The following STYX variants were observed in gnomAD, a reference collection of about 807,000 sequenced individuals.
The protein encoded by STYX is serine/threonine/tyrosine-interacting protein.
Under a neutral mutation model 42.7 loss-of-function variants are expected in STYX, and 20 were observed. The ratio of observed to expected loss-of-function variants is 0.47; its 90% CI spans 0.33 to 0.68. The LOEUF is 0.68. STYX is among the 30% of genes least tolerant of loss of function. The pLI, the probability that STYX is intolerant of heterozygous loss-of-function variation, is 0.02. For synonymous variants in STYX, 78 were observed against 81.9 expected, an observed-to-expected ratio of 0.95 and a Z score of 0.26; for missense variants, 226 against 268.5, an observed-to-expected ratio of 0.84 and a Z score of 1.11.
intron 8 of STYX, among the ~76,000 whole-genome samples, chr14:52,759,191 T>G (rs1881995179): frequency 6.6e-6 from 1 of 152,180 alleles, no homozygotes; most frequent in East Asian, 1.9e-4. Context: ...GGCACAATCA[T>G]AGCTCACTGT....
chr14:52,766,843 CTTTT>C (rs1211127004), intron 9 of STYX, among the ~76,000 whole-genome samples: 57 of 143,338 alleles, frequency 4.0e-4, no homozygotes, highest in African/African-American at 1.4e-3. Context: ...CAGCTTTGTT[CTTTT>C]TTTTTTTTCC....
At chr14:52,748,130 A>G (rs1881465424) in intron 3 of STYX, among the ~76,000 whole-genome samples, 1 of 152,220 alleles carries the variant, frequency 6.6e-6, no homozygotes, top group Non-Finnish European at 1.5e-5. Flanking sequence ...AATATAGCCC[A>G]TATTTCTTTT....
intron 8 of STYX, among the ~76,000 whole-genome samples, chr14:52,758,965 A>C (rs1395071002): frequency 6.6e-6 from 1 of 152,166 alleles, no homozygotes; most frequent in Non-Finnish European, 1.5e-5. Context: ...ATTTTGTCAG[A>C]CCATTAATGT....
chr14:52,738,272 T>C (rs1881041631), intron 1 of STYX, among the ~76,000 whole-genome samples: 1 of 152,206 alleles, frequency 6.6e-6, no homozygotes, highest in African/African-American at 2.4e-5. Context: ...GAAGGCTTCT[T>C]ATCTGTCCTG....
intron 4 of STYX, among the ~76,000 whole-genome samples, chr14:52,756,229 T>C (rs933216392): frequency 1.3e-5 from 2 of 152,202 alleles, no homozygotes; most frequent in Non-Finnish European, 2.9e-5. Context: ...TTGCTCAGGC[T>C]GGTCTCGAAT....
intron 9 of STYX, among the ~76,000 whole-genome samples, chr14:52,766,874 G>T (rs374380069): frequency 2.1e-5 from 3 of 144,836 alleles, no homozygotes; most frequent in Non-Finnish European, 3.0e-5. Context: ...TTTTTCTCAC[G>T]TTTGTTTTCC....
At chr14:52,751,821 C>A (rs1162294257) in intron 4 of STYX, among the ~76,000 whole-genome samples, 1 of 152,116 alleles carries the variant, frequency 6.6e-6, no homozygotes. Context: ...TTGCTCCTAT[C>A]CTGGGAGGCA....
intron 9 of STYX, 27 bp from the exon 10 acceptor site, chr14:52,768,813 A>C: frequency 6.8e-7 from 1 of 1,469,992 alleles, no homozygotes. Context: ...ATATATAATT[A>C]AGTTAATTAA....
chr14:52,754,749 T>C (rs1566675960), intron 4 of STYX, among the ~76,000 whole-genome samples: 1 of 152,156 alleles, frequency 6.6e-6, no homozygotes, highest in African/African-American at 2.4e-5. Flanking sequence ...AAACTAATCT[T>C]AAGAAAAAAC....
Position 52,773,197 on chromosome 14 carries a change from A to T in STYX, c.*2091A>T, listed in dbSNP as rs549875043. The T allele has an allele frequency of 1.3e-5, 2 of 152,186 alleles. No individual in the cohort carries two copies. The highest frequency in any genetic ancestry group is 2.9e-5 in the Non-Finnish European group (2 of 68,018). 9.4% of individuals were successfully genotyped at this position (152,186 alleles called of 1,614,324 possible). On this transcript the variant is annotated 3_prime_UTR_variant, in exon 11 of 11. Transcript: ENST00000354586. ...GATAATTTGTAGCTGGTAATTTTCC[A>T]CATTTTCTATCCACTGTAATTTTTA... is the stretch of plus-strand genomic sequence containing the variant.
rs914992824 is a variant in STYX at position 52,771,854 on chromosome 14, T to C, written c.*748T>C. On this transcript the variant is annotated 3_prime_UTR_variant, in exon 11 of 11. Transcript: ENST00000354586. Reference sequence around the variant, plus strand: ...GTTTTGATTTATAGTACCAAGTGCTTAAACACAAGGATAGTGTTAGATTTT... The same window carrying C: ...GTTTTGATTTATAGTACCAAGTGCTCAAACACAAGGATAGTGTTAGATTTT... The C allele has an allele frequency of 7.2e-5, 11 of 152,632 alleles. No individual in the cohort carries two copies. Among genetic ancestry groups the C allele is most frequent in the African/African-American group, 2.6e-4 (11 of 41,570 alleles). The allele number at this position is 152,632 out of a possible 1,614,324, so 9.5% of individuals were successfully genotyped here. A position where few individuals can be genotyped will look rare whatever the true frequency, so the allele number is the denominator to read the frequency against.
At chr14:52,746,596 C>T (rs2139896834) in intron 3 of STYX, 117 bp downstream of exon 3, 1 of 796,892 alleles carries the variant, frequency 1.3e-6, no homozygotes, top group African/African-American at 1.9e-5. Context: ...TGTCTGTTAA[C>T]AGTAATTGTC....
Position 52,756,583 on chromosome 14 carries a change from T to C in STYX, c.275T>C (p.Val92Ala). The C allele has an allele frequency of 6.5e-7, 1 of 1,527,150 alleles. No homozygotes were observed. Among genetic ancestry groups the C allele is most frequent in the African/African-American group, 1.4e-5 (1 of 71,132 alleles). The allele number at this position is 1,527,150 out of a possible 1,614,324, so 94.6% of individuals were successfully genotyped here. A position where few individuals can be genotyped will look rare whatever the true frequency, so the allele number is the denominator to read the frequency against. Residue 92 changes from valine (V) to alanine (A), a missense_variant, in exon 5 of 11, where the codon GTT (valine) becomes GCT (alanine). Physicochemically the swap from Val to Ala is moderately conservative, Grantham distance 64 (BLOSUM62 0). Coordinates refer to ENST00000354586, the MANE Select transcript of STYX (RefSeq NM_145251.4). ...YLVLDIADNP[V>A]ENIIRFFPMT... is the part of the protein sequence containing the mutation. ...GTCCTGGATATTGCAGATAATCCAGTTGAAAATATAATACGTTTTTTCCCT... is the reference window on the plus strand; with the variant it reads ...GTCCTGGATATTGCAGATAATCCAGCTGAAAATATAATACGTTTTTTCCCT...
At chr14:52,745,021 T>C in intron 2 of STYX, 137 bp downstream of exon 2, 1 of 672,760 alleles carries the variant, frequency 1.5e-6, no homozygotes, top group African/African-American at 1.9e-5. Context: ...ATTTTAAATA[T>C]TTAAGGTTAA....
chr14:52,758,900 G>A (rs551887546), intron 8 of STYX, among the ~76,000 whole-genome samples: 1 of 152,124 alleles, frequency 6.6e-6, no homozygotes, highest in African/African-American at 2.4e-5. Context: ...ATTGAAAAAA[G>A]ATTAAACATG....
chr14:52,747,392 C>T (rs1010097249), intron 3 of STYX, among the ~76,000 whole-genome samples: 3 of 152,050 alleles, frequency 2.0e-5, no homozygotes, highest in South Asian at 2.1e-4. Context: ...GGAATTTAAC[C>T]GGTTTTAAAA....
chr14:52,742,525 C>T (rs897434180), intron 1 of STYX, among the ~76,000 whole-genome samples: 3 of 152,094 alleles, frequency 2.0e-5, no homozygotes, highest in African/African-American at 7.2e-5. Context: ...GACAAAATTA[C>T]AACAAATTTA....
chr14:52,749,603 G>T (rs1042479895), intron 3 of STYX, among the ~76,000 whole-genome samples: 1 of 152,072 alleles, frequency 6.6e-6, no homozygotes, highest in African/African-American at 2.4e-5. Context: ...CACATACTAT[G>T]TATCAGTGAA....
intron 4 of STYX, among the ~76,000 whole-genome samples, chr14:52,751,225 A>AT (rs1463692645): frequency 5.9e-5 from 9 of 151,782 alleles, no homozygotes; most frequent in Non-Finnish European, 1.0e-4. Context: ...TTTTTACTTT[A>AT]TATTTTTTGG....
Sources: allele counts gnomAD v4.1 joint callset (sites outside exome capture counted in the v4.1 genomes callset), GRCh38; gene constraint gnomAD v4.1.1; transcripts MANE v1.5; gene names NCBI Gene and HGNC (gene_info 2026-07-23, HGNC 2026-07-21).